The following GRID2 variants were observed in gnomAD, a reference collection of about 807,000 sequenced individuals.
GRID2 encodes the protein glutamate receptor ionotropic, delta-2.
Under a neutral mutation model 114.8 loss-of-function variants are expected in GRID2, and 33 were observed. The observed-to-expected ratio is 0.29, with a 90% CI of 0.22 to 0.38. The LOEUF (loss-of-function observed/expected upper bound fraction) is 0.38. GRID2 is among the 10% of genes least tolerant of loss of function. GRID2 has a pLI of 1.00. For synonymous variants in GRID2, 505 were observed against 449.9 expected (o/e 1.12, Z -1.55); for missense variants, 1,184 against 1,257.7 (o/e 0.94, Z 0.89).
intron 2 of GRID2, among the ~76,000 whole-genome samples, chr4:92,697,671 AG>A (rs1734484524): frequency 1.3e-5 from 2 of 152,148 alleles, no homozygotes; most frequent in South Asian, 4.1e-4. Flanking sequence ...GCCATAGGTA[AG>A]GATAGTCTTA....
At chr4:93,372,983 C>A (rs1452312563) in intron 8 of GRID2, among the ~76,000 whole-genome samples, 1 of 152,056 alleles carries the variant, frequency 6.6e-6, no homozygotes, top group Non-Finnish European at 1.5e-5. Context: ...CAACAGTGAA[C>A]CATCATGTTC....
chr4:92,717,477 T>A lies in GRID2; in HGVS notation c.244+127191T>A, dbSNP rs1177409123. Among the ~76,000 whole-genome samples, 6 of 152,178 alleles carry A rather than the reference T, an allele frequency of 3.9e-5. No homozygotes were observed. In the South Asian group the frequency reaches 1.0e-3, roughly 26 times the overall value. On this transcript the variant is annotated intron_variant, in intron 2 of 15. Coordinates refer to ENST00000282020, the MANE Select transcript of GRID2 (RefSeq NM_001510.4). The stretch of plus-strand genomic sequence containing the variant: ...CAAGAAAATGATGTTTGACGAGCTA[T>A]AAAGCATATTTAATATGCTAACCCA...
chr4:93,450,863 A>T (rs1287842215), intron 10 of GRID2, among the ~76,000 whole-genome samples: 1 of 151,954 alleles, frequency 6.6e-6, no homozygotes, highest in African/African-American at 2.4e-5. Context: ...AGCTATTTGC[A>T]AATAATGTAA....
intron 10 of GRID2, among the ~76,000 whole-genome samples, chr4:93,445,174 T>A (rs1721981851): frequency 6.6e-6 from 1 of 152,008 alleles, no homozygotes; most frequent in South Asian, 2.1e-4. Flanking sequence ...GTTAATAGGA[T>A]GACTTGTGTT....
chr4:92,756,410 A>G (rs536425012), intron 2 of GRID2, among the ~76,000 whole-genome samples: 2 of 152,280 alleles, frequency 1.3e-5, no homozygotes, highest in African/African-American at 4.8e-5. Context: ...ATAGGGGTGC[A>G]TGTATGCCTT....
intron 13 of GRID2, among the ~76,000 whole-genome samples, chr4:93,549,655 C>A (rs536913412): frequency 1.3e-5 from 2 of 152,104 alleles, no homozygotes; most frequent in Non-Finnish European, 2.9e-5. Flanking sequence ...CCATAAAATT[C>A]CACAGTATTT....
intron 2 of GRID2, among the ~76,000 whole-genome samples, chr4:92,999,189 C>A (rs1261429775): frequency 6.6e-6 from 1 of 151,822 alleles, no homozygotes; most frequent in African/African-American, 2.4e-5. Flanking sequence ...TAGCCACTGT[C>A]AAAATTTGCA....
intron 13 of GRID2, among the ~76,000 whole-genome samples, chr4:93,591,062 A>C (rs367857867): frequency 4.1e-5 from 6 of 148,144 alleles, no homozygotes; most frequent in Admixed American, 6.8e-5. Flanking sequence ...TCTCCTGCCT[A>C]ATTGCCCTGG....
At chr4:93,020,018 A>G (rs1723133304) in intron 2 of GRID2, among the ~76,000 whole-genome samples, 1 of 152,170 alleles carries the variant, frequency 6.6e-6, no homozygotes, top group African/African-American at 2.4e-5. Context: ...ATTCTGTGAC[A>G]CTGGACATGA....
At chr4:93,151,699 T>G (rs1257359489) in intron 4 of GRID2, among the ~76,000 whole-genome samples, 3 of 152,136 alleles carry the variant, frequency 2.0e-5, no homozygotes, top group Non-Finnish European at 2.9e-5. Context: ...TAAAGGGACA[T>G]CTCACTTTTC....
intron 4 of GRID2, among the ~76,000 whole-genome samples, chr4:93,160,587 G>A (rs988023524): frequency 4.0e-5 from 6 of 151,660 alleles, no homozygotes; most frequent in South Asian, 2.1e-4. Context: ...TCTCCTCTGC[G>A]AAATCATAGC....
At chr4:93,282,637 G>C (rs540753552) in intron 8 of GRID2, among the ~76,000 whole-genome samples, 1 of 152,058 alleles carries the variant, frequency 6.6e-6, no homozygotes, top group South Asian at 2.1e-4. Flanking sequence ...TGTTGCATTG[G>C]GGATTAATAT....
chr4:92,833,259 G>C (rs1347848714), intron 2 of GRID2, among the ~76,000 whole-genome samples: 1 of 152,168 alleles, frequency 6.6e-6, no homozygotes, highest in South Asian at 2.1e-4. Context: ...ACTTTAAGTA[G>C]TTTTCCATAA....
intron 14 of GRID2, among the ~76,000 whole-genome samples, chr4:93,678,853 G>A (rs1268509482): frequency 1.3e-5 from 2 of 150,704 alleles, no homozygotes; most frequent in African/African-American, 2.5e-5. Flanking sequence ...TCGAGACTAG[G>A]AAGAAACTGC....
rs773959748 is a variant in GRID2, at chr4:92,624,453, T to A, written c.244+34167T>A. 1.4e-4 allele frequency among the ~76,000 whole-genome samples: 21 copies of A among 151,872 alleles called. 1 individual carries two copies. Among genetic ancestry groups the A allele is most frequent in the Non-Finnish European group, 2.1e-4 (14 of 67,834 alleles). On this transcript the variant is annotated intron_variant, in intron 2 of 15. Transcript: ENST00000282020. ...TTTTGATCACTGGATGTAAAGTGAT[T>A]GTGGTTAGCATGTTGTGTCTTTTGA...
chr4:92,845,880 T>C (rs1209938568), intron 2 of GRID2, among the ~76,000 whole-genome samples: 2 of 152,162 alleles, frequency 1.3e-5, no homozygotes, highest in African/African-American at 4.8e-5. Context: ...TCCATAATTA[T>C]GATATTCGAC....
intron 1 of GRID2, among the ~76,000 whole-genome samples, chr4:92,513,258 T>C (rs910504125): frequency 6.6e-6 from 1 of 151,838 alleles, no homozygotes; most frequent in African/African-American, 2.4e-5. Flanking sequence ...TGGAACACAT[T>C]TTGTCACAGG....
chr4:92,860,302 G>A (rs531141862), intron 2 of GRID2, among the ~76,000 whole-genome samples: 21 of 152,134 alleles, frequency 1.4e-4, no homozygotes, highest in African/African-American at 1.4e-4. Flanking sequence ...CTTTCTTTTT[G>A]TTAACATCAA....
chr4:93,519,543 G>C (rs2149496286), intron 13 of GRID2, among the ~76,000 whole-genome samples: 1 of 152,176 alleles, frequency 6.6e-6, no homozygotes, highest in East Asian at 1.9e-4. Flanking sequence ...CAGAAATCAA[G>C]GATCATGTGC....
Sources: gnomAD v4.1 joint callset for allele counts (sites outside exome capture counted in the v4.1 genomes callset) on GRCh38, gnomAD v4.1.1 for gene constraint, MANE v1.5 for transcripts, NCBI Gene and HGNC (gene_info 2026-07-23, HGNC 2026-07-21) for gene names.